Variants in MTUS2 observed in about 807,000 individuals in gnomAD.
The protein encoded by MTUS2 is microtubule-associated tumor suppressor candidate 2.
MTUS2 carries 40 observed loss-of-function variants against 114.1 expected under a neutral mutation model. That is an observed-to-expected ratio of 0.35 (90% CI 0.27 to 0.46). The LOEUF is 0.46. Among genes scored for constraint, MTUS2 ranks in the 20% least tolerant of loss-of-function variants. The probability of loss-of-function intolerance (pLI) is 1.00; values close to 1 mark genes in which losing one functional copy is unlikely to be tolerated. For synonymous variants in MTUS2, 688 were observed against 672.0 expected (o/e 1.02, Z -0.37); for missense variants, 1,679 against 1,705.4 (o/e 0.98, Z 0.27).
chr13:28,883,645 G>C (rs1418804796), intron 2 of MTUS2, among the ~76,000 whole-genome samples: 1 of 152,190 alleles, frequency 6.6e-6, no homozygotes, highest in Non-Finnish European at 1.5e-5. Flanking sequence ...GGTATGGAAT[G>C]GGGGAGGGTC....
chr13:29,424,853 G>A (rs1489116864), intron 8 of MTUS2, among the ~76,000 whole-genome samples: 1 of 152,158 alleles, frequency 6.6e-6, no homozygotes, highest in Non-Finnish European at 1.5e-5. Flanking sequence ...GAGGGGTGGG[G>A]ATTGCTGTTC....
At chr13:29,079,104 T>G (rs1889326589) in intron 4 of MTUS2, among the ~76,000 whole-genome samples, 1 of 152,284 alleles carries the variant, frequency 6.6e-6, no homozygotes, top group African/African-American at 2.4e-5. Context: ...TCTTTTTAAT[T>G]ATAGCTGTCC....
At chr13:29,132,408 G>A (rs1200504977) in intron 5 of MTUS2, among the ~76,000 whole-genome samples, 2 of 152,148 alleles carry the variant, frequency 1.3e-5, no homozygotes, top group Non-Finnish European at 2.9e-5. Flanking sequence ...ACGATGAAGT[G>A]TACAGTTCAG....
At chr13:29,158,882 C>A (rs1332171897) in intron 5 of MTUS2, among the ~76,000 whole-genome samples, 3 of 152,174 alleles carry the variant, frequency 2.0e-5, no homozygotes, top group African/African-American at 7.2e-5. Context: ...GAATGTCCAG[C>A]TGCCTCCAGA....
chr13:29,336,056 A>G (rs924888215), intron 7 of MTUS2, among the ~76,000 whole-genome samples: 1 of 152,106 alleles, frequency 6.6e-6, no homozygotes, highest in African/African-American at 2.4e-5. Context: ...GTTCTTCTCT[A>G]AACTGGTTAT....
At chr13:29,248,412 C>T (rs1490353838) in intron 5 of MTUS2, among the ~76,000 whole-genome samples, 1 of 152,096 alleles carries the variant, frequency 6.6e-6, no homozygotes, top group African/African-American at 2.4e-5. Context: ...AAAAATCCGT[C>T]ATATCCAAAG....
At chr13:28,990,142 C>G (rs1282582125) in intron 2 of MTUS2, among the ~76,000 whole-genome samples, 3 of 152,166 alleles carry the variant, frequency 2.0e-5, no homozygotes, top group Non-Finnish European at 4.4e-5. Context: ...CTGTGCCAGG[C>G]ACAAGATGTT....
chr13:29,066,390 A>G (rs1888667612), intron 4 of MTUS2, among the ~76,000 whole-genome samples: 1 of 152,254 alleles, frequency 6.6e-6, no homozygotes, highest in Non-Finnish European at 1.5e-5. Flanking sequence ...ATAGCAATGC[A>G]GTGGTAGTAG....
intron 5 of MTUS2, among the ~76,000 whole-genome samples, chr13:29,278,430 A>G (rs1593254055): frequency 6.6e-6 from 1 of 152,226 alleles, no homozygotes; most frequent in East Asian, 1.9e-4. Flanking sequence ...CAGATTATTT[A>G]AAGAAGTAAG....
intron 11 of MTUS2, among the ~76,000 whole-genome samples, chr13:29,492,246 T>C (rs915150642): frequency 1.3e-5 from 2 of 150,052 alleles, no homozygotes; most frequent in African/African-American, 4.9e-5. Flanking sequence ...GTGGCATGTG[T>C]GTATGTGATT....
intron 6 of MTUS2, among the ~76,000 whole-genome samples, chr13:29,307,961 G>A (rs1899555836): frequency 6.6e-6 from 1 of 152,084 alleles, no homozygotes; most frequent in South Asian, 2.1e-4. Flanking sequence ...CATCAATAAA[G>A]TCCCCTGTGC....
At chr13:29,425,735 A>G (rs1399055356) in intron 8 of MTUS2, among the ~76,000 whole-genome samples, 1 of 152,194 alleles carries the variant, frequency 6.6e-6, no homozygotes, top group African/African-American at 2.4e-5. Context: ...AATCTGGGTC[A>G]TGTGCACTGA....
At chr13:29,092,478 TTTCAC>T (rs1270317681) in intron 4 of MTUS2, among the ~76,000 whole-genome samples, 3 of 152,226 alleles carry the variant, frequency 2.0e-5, no homozygotes, top group African/African-American at 4.8e-5. Context: ...AGAGCTATTC[TTTCAC>T]TCAATAAAAT....
chr13:29,302,049 A>G (rs1188330886), intron 6 of MTUS2, among the ~76,000 whole-genome samples: 1 of 152,194 alleles, frequency 6.6e-6, no homozygotes, highest in Non-Finnish European at 1.5e-5. Context: ...ATCACATTAG[A>G]AATTGGATTT....
At chr13:29,048,994 T>A (rs1396257211) in intron 4 of MTUS2, among the ~76,000 whole-genome samples, 1 of 152,240 alleles carries the variant, frequency 6.6e-6, no homozygotes, top group Non-Finnish European at 1.5e-5. Flanking sequence ...GTTTTGCTTT[T>A]CAGCCTTATT....
intron 4 of MTUS2, among the ~76,000 whole-genome samples, chr13:29,077,348 T>C (rs908450483): frequency 6.6e-6 from 1 of 152,016 alleles, no homozygotes; most frequent in Non-Finnish European, 1.5e-5. Context: ...ACAAAGTATC[T>C]GTGAAAGGAG....
At chr13:29,218,713 A>C (rs1356727347) in intron 5 of MTUS2, among the ~76,000 whole-genome samples, 4 of 152,190 alleles carry the variant, frequency 2.6e-5, no homozygotes, top group Non-Finnish European at 4.4e-5. Flanking sequence ...GACCAGGTGC[A>C]TTGTCAATGA....
chr13:28,900,665 T>A (rs1344014530), intron 2 of MTUS2, among the ~76,000 whole-genome samples: 1 of 152,184 alleles, frequency 6.6e-6, no homozygotes, highest in Admixed American at 6.5e-5. Flanking sequence ...GGTACCACAG[T>A]CCATCTAAAG....
chr13:29,100,924 C>T lies in MTUS2; in HGVS notation c.2598C>T (p.Thr866=), dbSNP rs762140776. The part of the protein sequence containing the change: ...RSSSVSSVSS[T]QSGDSAQPEQ... ...CCAGCGTCTCCTCAGTCTCCAGCACCCAGTCCGGGGACAGTGCACAGCCAG... is the reference window on the plus strand; with the variant it reads ...CCAGCGTCTCCTCAGTCTCCAGCACTCAGTCCGGGGACAGTGCACAGCCAG... The change falls in exon 5 of 16, where the codon ACC becomes ACT. Residue 866 remains threonine, a synonymous_variant. Transcript: ENST00000612955. The T allele has an allele frequency of 1.9e-6, 3 of 1,577,702 alleles. No homozygotes were observed. The highest frequency in any genetic ancestry group is 4.7e-5 in the East Asian group (2 of 43,010).
Sources: allele counts gnomAD v4.1 joint callset (sites outside exome capture counted in the v4.1 genomes callset), GRCh38; gene constraint gnomAD v4.1.1; transcripts MANE v1.5; gene names NCBI Gene and HGNC (gene_info 2026-07-23, HGNC 2026-07-21).